Variants in POR observed in about 807,000 individuals in gnomAD.
The protein encoded by POR is cytochrome p450 oxidoreductase, also known as NADPH--cytochrome P450 reductase.
Under a neutral mutation model 84.0 loss-of-function variants are expected in POR, and 56 were observed. That is an observed-to-expected ratio of 0.67 (90% confidence interval 0.54 to 0.83). The LOEUF (loss-of-function observed/expected upper bound fraction) is 0.83. POR is among the 40% of genes least tolerant of loss of function. The pLI, the probability that POR is intolerant of heterozygous loss-of-function variation, is 0.00. For synonymous variants in POR, 414 were observed against 400.5 expected (o/e 1.03, Z -0.40); for missense variants, 938 against 944.3 (o/e 0.99, Z 0.09).
intron 1 of POR, among the ~76,000 whole-genome samples, chr7:75,919,374 T>C (rs1325416966): frequency 6.8e-6 from 1 of 147,840 alleles, no homozygotes; most frequent in Non-Finnish European, 1.5e-5. Context: ...TGTCTGCATC[T>C]GTGCGTGCGT....
intron 1 of POR, among the ~76,000 whole-genome samples, chr7:75,946,353 T>G (rs1015952884): frequency 2.0e-5 from 3 of 151,982 alleles, no homozygotes; most frequent in African/African-American, 7.3e-5. Context: ...GTGGTGTGAT[T>G]ATGGCTCACC....
chr7:75,972,700 G>A (rs1180382016), intron 3 of POR: 2 of 591,254 alleles, frequency 3.4e-6, no homozygotes, highest in African/African-American at 1.9e-5. Context: ...CAAAGTCTAA[G>A]AACAGACCCT....
intron 3 of POR, chr7:75,972,691 A>G: frequency 3.3e-6 from 2 of 609,218 alleles, no homozygotes; most frequent in Non-Finnish European, 6.0e-6. Context: ...TGAACAAACC[A>G]AAGTCTAAGA....
chr7:75,973,111 C>A (rs555740358), intron 3 of POR, among the ~76,000 whole-genome samples: 2 of 151,986 alleles, frequency 1.3e-5, no homozygotes, highest in Non-Finnish European at 2.9e-5. Context: ...GCGTGAACCA[C>A]CGCACCCAGC....
In POR at chr7:75,982,254, C is replaced by T. The variant is rs575587599; in HGVS notation, c.762C>T (p.Thr254=). 22 of 1,612,546 alleles carry T rather than the reference C, an allele frequency of 1.4e-5. No individual in the cohort carries two copies. The highest frequency in any genetic ancestry group is 5.5e-5 in the South Asian group (5 of 90,740). The change falls in exon 8 of 16, where the codon ACC becomes ACT. Residue 254 remains threonine (T), a synonymous_variant. Coordinates refer to ENST00000461988, the MANE Select transcript of POR (RefSeq NM_000941.3). ...GCCAGTACGAGCTTGTGGTCCACAC[C>T]GACATAGATGCGGCCAAGGTGTACA... is the stretch of plus-strand genomic sequence containing the variant.
Position 75,986,416 on chromosome 7 carries a change from C to A in POR, c.1978C>A (p.Gln660Lys). ...TGAGCTCGGGGCCATGGAGCACGCGCAGGCGGTGGACTACATCAAGAAACT... is the reference window on the plus strand; with the variant it reads ...TGAGCTCGGGGCCATGGAGCACGCGAAGGCGGTGGACTACATCAAGAAACT... The change falls in exon 16 of 16, where the codon CAG becomes AAG. Residue 660 changes from glutamine (Q) to lysine (K), a missense_variant. Gln to Lys is a moderately conservative substitution (Grantham distance 53). Coordinates refer to ENST00000461988, the MANE Select transcript of POR (RefSeq NM_000941.3). 1 of 1,612,560 alleles carries A rather than the reference C, an allele frequency of 6.2e-7. No individual in the cohort carries two copies. Among genetic ancestry groups the A allele is most frequent in the Non-Finnish European group, 8.5e-7 (1 of 1,179,866 alleles).
At chr7:75,985,432 G>A (rs953111678) in intron 12 of POR, 147 bp from the exon 13 acceptor site, 18 of 1,170,294 alleles carry the variant, frequency 1.5e-5, no homozygotes, top group Middle Eastern at 5.9e-4. Flanking sequence ...CCGGGAAGCC[G>A]CTGGGGAGGG....
chr7:75,938,058 T>G (rs1444265161), intron 1 of POR, among the ~76,000 whole-genome samples: 2 of 152,212 alleles, frequency 1.3e-5, no homozygotes, highest in African/African-American at 2.4e-5. Flanking sequence ...GTTCGATTTG[T>G]GCTGAGTCAT....
intron 2 of POR, chr7:75,968,238 T>C (rs1253530817): frequency 4.3e-6 from 2 of 467,282 alleles, no homozygotes; most frequent in Non-Finnish European, 8.8e-6. Flanking sequence ...GGGGACCTGC[T>C]GGAGGCCTGA....
chr7:75,949,669 G>A (rs1186812001), intron 1 of POR, among the ~76,000 whole-genome samples: 11 of 151,760 alleles, frequency 7.2e-5, no homozygotes, highest in Non-Finnish European at 1.3e-4. Flanking sequence ...ACAGGCATGC[G>A]CCACTGCATC....
At chr7:75,981,654 G>A (rs781995471) in intron 7 of POR, 48 bp downstream of exon 7, 25 of 1,486,786 alleles carry the variant, frequency 1.7e-5, no homozygotes, top group Admixed American at 5.5e-5. Context: ...CGGGTCCTGT[G>A]CCGAGGGCAG....
At chr7:75,948,896 T>C (rs782286810) in intron 1 of POR, among the ~76,000 whole-genome samples, 4 of 152,096 alleles carry the variant, frequency 2.6e-5, no homozygotes, top group Admixed American at 6.5e-5. Context: ...CAGGGGGCAG[T>C]TGTAGATTCT....
In POR at chr7:75,932,044, G is replaced by A. The variant is rs369975934; in HGVS notation, c.-5+16865G>A. Among the ~76,000 whole-genome samples the A allele has an allele frequency of 3.9e-5, 6 of 152,300 alleles. No individual in the cohort carries two copies. The South Asian group carries it at 8.3e-4, about 21-fold the overall frequency. The stretch of plus-strand genomic sequence containing the variant: ...GCTCCCGTCTCTTCAGCTTAGCAGC[G>A]TGCCTTGAAGAGGAAGAGCTGCAGA... On this transcript the variant is annotated intron_variant, in intron 1 of 15. Transcript: ENST00000461988.
At chr7:75,985,487 G>A (rs1413545121) in intron 12 of POR, 92 bp from the exon 13 acceptor site, 34 of 1,403,516 alleles carry the variant, frequency 2.4e-5, no homozygotes, top group Non-Finnish European at 3.1e-5. Context: ...GAGGCCCTGG[G>A]TGAGTGGGGC....
chr7:75,954,243 C>T, intron 2 of POR, 63 bp downstream of exon 2: 1 of 1,482,458 alleles, frequency 6.7e-7, no homozygotes, highest in Non-Finnish European at 9.2e-7. Flanking sequence ...AAGCAGTGTC[C>T]TGCATGCGGG....
chr7:75,966,265 C>G (rs1319049319), intron 2 of POR, among the ~76,000 whole-genome samples: 2 of 152,298 alleles, frequency 1.3e-5, no homozygotes, highest in Admixed American at 6.5e-5. Flanking sequence ...CTGTCTCCAG[C>G]AGCTGCCCTC....
chr7:75,984,558 G>C (rs1043875644), intron 10 of POR, among the ~76,000 whole-genome samples: 18 of 152,288 alleles, frequency 1.2e-4, no homozygotes, highest in South Asian at 4.1e-4. Context: ...ACCTCCCCTA[G>C]CAGGGTCCTG....
chr7:75,982,147 C>A, intron 7 of POR, 77 bp from the exon 8 acceptor site: 1 of 1,096,794 alleles, frequency 9.1e-7, no homozygotes, highest in Non-Finnish European at 1.4e-6. Context: ...TGCACGGTCT[C>A]CCCTGTAGTC....
In POR at chr7:75,986,455, C is replaced by T. The variant is rs782258532; in HGVS notation, c.2017C>T (p.Arg673Cys). 8.1e-6 allele frequency: 13 copies of T among 1,611,508 alleles called. No homozygotes were observed. The highest frequency in any genetic ancestry group is 4.0e-5 in the African/African-American group (3 of 74,936). Residue 673 changes from arginine to cysteine, a missense_variant, in exon 16 of 16, where the codon CGC becomes TGC. Arg to Cys is a radical substitution (Grantham distance 180, BLOSUM62 -3). Transcript: ENST00000461988. ...CATCAAGAAACTGATGACCAAGGGCCGCTACTCCCTGGACGTGTGGAGCTA... is the reference window on the plus strand; with the variant it reads ...CATCAAGAAACTGATGACCAAGGGCTGCTACTCCCTGGACGTGTGGAGCTA...
Sources: gnomAD v4.1 joint callset for allele counts (sites outside exome capture counted in the v4.1 genomes callset) on GRCh38, gnomAD v4.1.1 for gene constraint, MANE v1.5 for transcripts, NCBI Gene and HGNC (gene_info 2026-07-23, HGNC 2026-07-21) for gene names.